The following SHISA9 variants were observed in gnomAD, a reference collection of about 807,000 sequenced individuals.
SHISA9 encodes protein shisa-9.
A neutral mutation model predicts 38.0 loss-of-function variants in SHISA9; 13 were observed. The ratio of observed to expected loss-of-function variants is 0.34; its 90% CI spans 0.22 to 0.54. The LOEUF is 0.54. Among genes scored for constraint, SHISA9 ranks in the 20% least tolerant of loss-of-function variants. The pLI is 0.91. For synonymous variants in SHISA9, 275 were observed against 242.0 expected, an observed-to-expected ratio of 1.14 and a Z score of -1.27; for missense variants, 538 against 575.8, an observed-to-expected ratio of 0.93 and a Z score of 0.67.
the SHISA9 span, among the ~76,000 whole-genome samples, chr16:13,292,947 A>C: frequency 3.3e-5 from 5 of 152,290 alleles, no homozygotes; most frequent in African/African-American, 1.2e-4. Flanking sequence ...CCCCATTCTA[A>C]AGAGAATGGA....
chr16:12,957,513 AC>A (rs773868598), intron 2 of SHISA9, among the ~76,000 whole-genome samples: 1 of 152,088 alleles, frequency 6.6e-6, no homozygotes, highest in Non-Finnish European at 1.5e-5. Flanking sequence ...AGTAACCTTT[AC>A]CAGAACTCTT....
the SHISA9 span, among the ~76,000 whole-genome samples, chr16:13,356,489 G>T: frequency 6.6e-6 from 1 of 152,154 alleles, no homozygotes; most frequent in South Asian, 2.1e-4. Context: ...CTGGGCAGGA[G>T]GGGGAGGGCT....
At chr16:13,154,745 G>T (rs2050528702) in intron 2 of SHISA9, among the ~76,000 whole-genome samples, 1 of 152,212 alleles carries the variant, frequency 6.6e-6, no homozygotes, top group Admixed American at 6.5e-5. Context: ...CACCAAAGTG[G>T]TCTTGGTTTC....
chr16:13,280,390 A>G, the SHISA9 span, among the ~76,000 whole-genome samples: 1 of 151,742 alleles, frequency 6.6e-6, no homozygotes, highest in Non-Finnish European at 1.5e-5. Flanking sequence ...CAATTAGTCT[A>G]TTGATTTTAG....
Position 13,229,080 on chromosome 16 carries a change from A to G in SHISA9, c.896-5950A>G, listed in dbSNP as rs1596751805. On this transcript the variant is annotated intron_variant, in intron 4 of 4. Transcript: ENST00000558583. Reference sequence around the variant, plus strand: ...GAGGCTGAGACAGGAGAATCACTTCAGCCCAGGAGGCAAAGGCTGTAGTGA... The same window carrying G: ...GAGGCTGAGACAGGAGAATCACTTCGGCCCAGGAGGCAAAGGCTGTAGTGA... Among the ~76,000 whole-genome samples the G allele has an allele frequency of 2.0e-5, 3 of 152,346 alleles. No individual in the cohort carries two copies. The East Asian group carries it at 5.8e-4, about 29-fold the overall frequency.
chr16:13,241,654 T>C (rs1470904518), downstream of SHISA9, among the ~76,000 whole-genome samples: 1 of 152,190 alleles, frequency 6.6e-6, no homozygotes, highest in Non-Finnish European at 1.5e-5. Flanking sequence ...CTGGGGTCCC[T>C]GGGGAATGAA....
the SHISA9 span, among the ~76,000 whole-genome samples, chr16:13,495,602 T>C: frequency 7.0e-4 from 107 of 152,202 alleles, no homozygotes; most frequent in African/African-American, 2.4e-3. Context: ...TGCAGTAATA[T>C]ATGTTACTTT....
At chr16:13,561,917 T>C in the SHISA9 span, among the ~76,000 whole-genome samples, 1 of 151,970 alleles carries the variant, frequency 6.6e-6, no homozygotes, top group Non-Finnish European at 1.5e-5. Flanking sequence ...AGCTGGCAAA[T>C]TAAAGATAGG....
chr16:13,434,293 C>T, the SHISA9 span, among the ~76,000 whole-genome samples: 1 of 152,184 alleles, frequency 6.6e-6, no homozygotes, highest in South Asian at 2.1e-4. Flanking sequence ...TCTCAGTCCA[C>T]TGACTCAGAT....
intron 2 of SHISA9, among the ~76,000 whole-genome samples, chr16:13,198,475 C>G (rs1307489861): frequency 1.3e-5 from 2 of 152,116 alleles, no homozygotes; most frequent in African/African-American, 4.8e-5. Context: ...TTGGCAAGGG[C>G]AGGATTTGCA....
At chr16:13,399,316 T>C in the SHISA9 span, among the ~76,000 whole-genome samples, 1 of 151,910 alleles carries the variant, frequency 6.6e-6, no homozygotes, top group Non-Finnish European at 1.5e-5. Context: ...TCCTTCTAAG[T>C]GTTCACAGTT....
the SHISA9 span, among the ~76,000 whole-genome samples, chr16:13,388,649 A>G: frequency 2.0e-5 from 3 of 152,146 alleles, no homozygotes; most frequent in African/African-American, 7.2e-5. Context: ...GTTCTATCAT[A>G]TGCTAACTCT....
chr16:13,237,323 T>C lies in SHISA9; in HGVS notation c.*1914T>C, dbSNP rs2051395198. 6.6e-6 allele frequency: 1 copy of C among 152,144 alleles called. No homozygotes were observed. The highest frequency in any genetic ancestry group is 2.4e-5 in the African/African-American group (1 of 41,424). 9.4% of individuals were successfully genotyped at this position (152,144 alleles called of 1,614,324 possible). A position where few individuals can be genotyped will look rare whatever the true frequency, so the allele number is the denominator to read the frequency against. On this transcript the variant is annotated 3_prime_UTR_variant, in exon 5 of 5. Coordinates refer to ENST00000558583, the MANE Select transcript of SHISA9 (RefSeq NM_001145204.3). ...CCATCTGAAACATGGGGAATTGGGG[T>C]AGGTCAAGCTTTTTGAAACTGCAAA...
chr16:13,019,893 TTC>T (rs1252681831), intron 2 of SHISA9, among the ~76,000 whole-genome samples: 2 of 19,044 alleles, frequency 1.1e-4, no homozygotes, highest in South Asian at 2.3e-3. Flanking sequence ...CCTTCTTTCT[TTC>T]TTTCTTTCTT....
chr16:13,545,809 A>G, the SHISA9 span, among the ~76,000 whole-genome samples: 1 of 152,102 alleles, frequency 6.6e-6, no homozygotes, highest in Admixed American at 6.6e-5. Flanking sequence ...ATCCGCTTCT[A>G]CTATCACACG....
chr16:13,215,985 G>A (rs947768746), intron 4 of SHISA9, among the ~76,000 whole-genome samples: 2 of 152,054 alleles, frequency 1.3e-5, no homozygotes, highest in Non-Finnish European at 1.5e-5. Context: ...TCAGGAGTTT[G>A]AGACCAGCCT....
intron 2 of SHISA9, among the ~76,000 whole-genome samples, chr16:13,153,584 C>G (rs192869626): frequency 6.6e-6 from 1 of 152,126 alleles, no homozygotes; most frequent in African/African-American, 2.4e-5. Flanking sequence ...AGCACTGCCT[C>G]CCACAGGGTC....
the SHISA9 span, among the ~76,000 whole-genome samples, chr16:13,528,284 A>G: frequency 6.6e-6 from 1 of 152,144 alleles, no homozygotes; most frequent in Non-Finnish European, 1.5e-5. Flanking sequence ...CATATAACCT[A>G]AAGAGTCCAT....
chr16:13,534,614 C>G, the SHISA9 span, among the ~76,000 whole-genome samples: 1 of 152,136 alleles, frequency 6.6e-6, no homozygotes. Flanking sequence ...CAAGAATTGT[C>G]AGCAATCTTT....
Sources: allele counts gnomAD v4.1 joint callset (sites outside exome capture counted in the v4.1 genomes callset), GRCh38; gene constraint gnomAD v4.1.1; transcripts MANE v1.5; gene names NCBI Gene and HGNC (gene_info 2026-07-23, HGNC 2026-07-21).